Variants in FBXL7 observed in about 807,000 individuals in gnomAD.
The protein encoded by FBXL7 is F-box and leucine rich repeat protein 7, also known as F-box/LRR-repeat protein 7.
FBXL7 carries 12 observed loss-of-function variants against 38.3 expected under a neutral mutation model. The observed-to-expected ratio is 0.31, with a 90% CI of 0.20 to 0.51. The LOEUF (loss-of-function observed/expected upper bound fraction) is 0.51. Ranked by LOEUF, FBXL7 falls within the 20% of genes least tolerant of loss-of-function variation. The pLI is 0.98. For missense variants in FBXL7, 567 were observed against 676.4 expected (o/e 0.84, Z 1.79); for synonymous variants, 297 against 300.9 (o/e 0.99, Z 0.13).
intron 2 of FBXL7, among the ~76,000 whole-genome samples, chr5:15,849,239 C>T (rs1057156777): frequency 2.6e-5 from 4 of 152,200 alleles, no homozygotes; most frequent in Admixed American, 2.0e-4. Flanking sequence ...CTTGATCTGC[C>T]TATTACAATT....
chr5:15,816,710 C>T lies in FBXL7; in HGVS notation c.128-111180C>T, dbSNP rs183361603. ...TATGTTCCTTTCAATCTGTCTACTACTCTGTTCTGTTCTTTGGAATACAAA... is the reference window on the plus strand; with the variant it reads ...TATGTTCCTTTCAATCTGTCTACTATTCTGTTCTGTTCTTTGGAATACAAA... On this transcript the variant is annotated intron_variant, in intron 2 of 3. Transcript: ENST00000504595. 1.9e-3 allele frequency among the ~76,000 whole-genome samples: 290 copies of T among 152,280 alleles called. 1 individual carries two copies. The highest frequency in any genetic ancestry group is 3.1e-3 in the Non-Finnish European group (212 of 68,014).
At chr5:15,617,436 T>C (rs1740492336) in intron 2 of FBXL7, among the ~76,000 whole-genome samples, 1 of 125,490 alleles carries the variant, frequency 8.0e-6, no homozygotes, top group African/African-American at 2.7e-5. Context: ...TATTTATTTA[T>C]TTATTTATTT....
chr5:15,849,496 A>G (rs1739027914), intron 2 of FBXL7, among the ~76,000 whole-genome samples: 1 of 152,180 alleles, frequency 6.6e-6, no homozygotes, highest in Non-Finnish European at 1.5e-5. Context: ...TTCTCATGGT[A>G]GTGAATAAGT....
intron 2 of FBXL7, among the ~76,000 whole-genome samples, chr5:15,828,925 T>G (rs1272396248): frequency 6.6e-6 from 1 of 152,222 alleles, no homozygotes; most frequent in Non-Finnish European, 1.5e-5. Context: ...AATGCTAACA[T>G]TTTTTGATTT....
chr5:15,585,171 G>A (rs760395739), intron 1 of FBXL7, among the ~76,000 whole-genome samples: 3 of 152,198 alleles, frequency 2.0e-5, no homozygotes, highest in Non-Finnish European at 4.4e-5. Flanking sequence ...TGAAGTCTGA[G>A]AGCCTCCAAC....
chr5:15,656,990 GA>G (rs548228160), intron 2 of FBXL7, among the ~76,000 whole-genome samples: 206 of 151,954 alleles, frequency 1.4e-3, no homozygotes, highest in African/African-American at 4.4e-3. Flanking sequence ...AATAATATTG[GA>G]AAAAAAGTCA....
At chr5:15,651,886 G>A (rs1299565038) in intron 2 of FBXL7, among the ~76,000 whole-genome samples, 1 of 152,238 alleles carries the variant, frequency 6.6e-6, no homozygotes, top group Non-Finnish European at 1.5e-5. Flanking sequence ...CATATGCACT[G>A]AAAATCTGTA....
intron 2 of FBXL7, among the ~76,000 whole-genome samples, chr5:15,888,573 C>T (rs986581772): frequency 6.6e-6 from 1 of 152,018 alleles, no homozygotes; most frequent in Non-Finnish European, 1.5e-5. Context: ...GAGCTTTTTC[C>T]CCTTTGATTT....
intron 1 of FBXL7, among the ~76,000 whole-genome samples, chr5:15,530,629 G>A (rs1384005270): frequency 1.3e-5 from 2 of 152,076 alleles, no homozygotes; most frequent in Admixed American, 6.5e-5. Flanking sequence ...ATCGTTTATT[G>A]TAGTGAAAAA....
At chr5:15,913,251 T>TA (rs10658693) in intron 2 of FBXL7, among the ~76,000 whole-genome samples, 4 of 139,438 alleles carry the variant, frequency 2.9e-5, no homozygotes, top group African/African-American at 7.9e-5. Flanking sequence ...TTTTTTTTTT[T>TA]AATGTTTTTT....
intron 2 of FBXL7, among the ~76,000 whole-genome samples, chr5:15,713,839 G>A (rs187341217): frequency 7.8e-4 from 119 of 152,314 alleles, no homozygotes; most frequent in African/African-American, 2.8e-3. Flanking sequence ...TGTGGAGAAA[G>A]TTTGGTGGAT....
At chr5:15,626,564 G>GTGTGTGTGTGTGTGTGTGTGTGTGTC (rs1561058284) in intron 2 of FBXL7, among the ~76,000 whole-genome samples, 3 of 152,050 alleles carry the variant, frequency 2.0e-5, no homozygotes, top group African/African-American at 7.3e-5. Context: ...GTGTGTGTGT[G>GTGTGTGTGTGTGTGTGTGTGTGTGTC]TGTGTGTGTA....
intron 2 of FBXL7, among the ~76,000 whole-genome samples, chr5:15,919,901 T>C (rs1188641942): frequency 1.3e-5 from 2 of 152,144 alleles, no homozygotes; most frequent in Non-Finnish European, 2.9e-5. Context: ...AAATTAGAGA[T>C]GTCAGAACAG....
intron 2 of FBXL7, among the ~76,000 whole-genome samples, chr5:15,685,976 GT>G (rs1269857960): frequency 6.6e-6 from 1 of 152,152 alleles, no homozygotes; most frequent in African/African-American, 2.4e-5. Flanking sequence ...TAGAACAACA[GT>G]CCCGGGGGGA....
chr5:15,662,516 C>T (rs1375857794), intron 2 of FBXL7, among the ~76,000 whole-genome samples: 1 of 152,080 alleles, frequency 6.6e-6, no homozygotes, highest in African/African-American at 2.4e-5. Context: ...AATTAGATTC[C>T]ACTTTTCAAT....
intron 2 of FBXL7, among the ~76,000 whole-genome samples, chr5:15,864,234 CAAA>C: frequency 6.6e-6 from 1 of 150,540 alleles, no homozygotes; most frequent in Non-Finnish European, 1.5e-5. Flanking sequence ...GTAAATCAAA[CAAA>C]CTTTTTTTTC....
At chr5:15,852,506 T>A (rs1458060048) in intron 2 of FBXL7, among the ~76,000 whole-genome samples, 1 of 152,202 alleles carries the variant, frequency 6.6e-6, no homozygotes, top group African/African-American at 2.4e-5. Flanking sequence ...TTTTTCTTAG[T>A]GTTTCTGGAT....
chr5:15,669,385 CA>C (rs1437216273), intron 2 of FBXL7, among the ~76,000 whole-genome samples: 1 of 152,162 alleles, frequency 6.6e-6, no homozygotes, highest in African/African-American at 2.4e-5. Flanking sequence ...CTGATGGCCC[CA>C]GTTGCTGTGC....
intron 2 of FBXL7, among the ~76,000 whole-genome samples, chr5:15,659,181 T>G (rs1741979673): frequency 6.6e-6 from 1 of 152,060 alleles, no homozygotes; most frequent in Non-Finnish European, 1.5e-5. Context: ...AAATGGCAAA[T>G]TATTAACTGG....
Sources: allele counts gnomAD v4.1 joint callset (sites outside exome capture counted in the v4.1 genomes callset), GRCh38; gene constraint gnomAD v4.1.1; transcripts MANE v1.5; gene names NCBI Gene and HGNC (gene_info 2026-07-23, HGNC 2026-07-21).